TBC1D20: variants seen among roughly 807,000 people sequenced by gnomAD.
TBC1D20 encodes chromosome 20 open reading frame 140.
TBC1D20 carries 12 observed loss-of-function variants against 41.6 expected under a neutral mutation model. The ratio of observed to expected loss-of-function variants is 0.29; its 90% CI spans 0.18 to 0.47. The LOEUF (loss-of-function observed/expected upper bound fraction) is 0.47. Among genes scored for constraint, TBC1D20 ranks in the 20% least tolerant of loss-of-function variants. The pLI, the probability that TBC1D20 is intolerant of heterozygous loss-of-function variation, is 1.00. For missense variants in TBC1D20, 421 were observed against 517.4 expected, an observed-to-expected ratio of 0.81 and a Z score of 1.81; for synonymous variants, 205 against 204.8, an observed-to-expected ratio of 1.00 and a Z score of -0.01.
intron 1 of TBC1D20, among the ~76,000 whole-genome samples, chr20:457,885 G>T (rs1191421815): frequency 6.6e-6 from 1 of 152,152 alleles, no homozygotes; most frequent in East Asian, 1.9e-4. Flanking sequence ...ATATAACATC[G>T]GTGGAGGCAA....
intron 1 of TBC1D20, among the ~76,000 whole-genome samples, chr20:452,832 G>C (rs934590821): frequency 2.6e-5 from 4 of 152,124 alleles, no homozygotes; most frequent in African/African-American, 9.7e-5. Context: ...AAAGGAGGAA[G>C]GTGTCCTGGT....
At chr20:442,669 G>C (rs1335365543) in intron 3 of TBC1D20, among the ~76,000 whole-genome samples, 1 of 152,196 alleles carries the variant, frequency 6.6e-6, no homozygotes, top group African/African-American at 2.4e-5. Flanking sequence ...GATTACATGA[G>C]AGCCTTATAT....
At position 439,354 on chromosome 20, in the gene TBC1D20, C is replaced by G. The variant is rs2017182643; in HGVS notation, c.769-59G>C. ...GCCAGACACACAGGGCCTGGGCCAC[C>G]TGCACTCCATTATCCTTGCAGATGA... is the stretch of plus-strand genomic sequence containing the variant. On this transcript the variant is annotated intron_variant, in intron 6 of 7. Coordinates refer to ENST00000354200, the MANE Select transcript of TBC1D20 (RefSeq NM_144628.4). The surrounding 1 kb of genome is among the most constrained non-coding windows in gnomAD (Gnocchi z 4.6). 3 of 1,314,394 alleles carry G rather than the reference C, an allele frequency of 2.3e-6. No individual in the cohort carries two copies. The highest frequency in any genetic ancestry group is 1.9e-4 in the Middle Eastern group (1 of 5,284). The allele number at this position is 1,314,394 out of a possible 1,614,324, so 81.4% of individuals were successfully genotyped here.
chr20:454,868 G>A (rs563476445), intron 1 of TBC1D20, among the ~76,000 whole-genome samples: 3 of 152,108 alleles, frequency 2.0e-5, no homozygotes, highest in Non-Finnish European at 2.9e-5. Context: ...TAGAGACAGG[G>A]TTTCACCATG....
Position 441,429 on chromosome 20 carries a change from G to C in TBC1D20, c.626+159C>G, listed in dbSNP as rs565693531. The C allele has an allele frequency of 3.7e-5, 24 of 647,474 alleles. No individual in the cohort carries two copies. In the East Asian group the frequency reaches 6.6e-4, roughly 18 times the overall value. The allele number at this position is 647,474 out of a possible 1,614,324, so 40.1% of individuals were successfully genotyped here. ...AGTCCCCAAAAATGCTCCAAGAACT[G>C]AATTACCCAGATTGCTGGTGACTGG... On this transcript the variant is annotated intron_variant, in intron 5 of 7. Transcript: ENST00000354200.
At chr20:440,677 C>T (rs2017211538) in intron 5 of TBC1D20, 3 of 321,998 alleles carry the variant, frequency 9.3e-6, no homozygotes, top group Non-Finnish European at 1.7e-5. Context: ...TTTCAGAGAA[C>T]TACGCCATGA....
rs1231473794 is a variant in TBC1D20, at chr20:437,462, T to G, written c.*1124A>C. ...TACAGGGAAGCTGTCCCAGAAGGAC[T>G]GAGTGATGCCTCTTGTTCCCTAAGG... On this transcript the variant is annotated 3_prime_UTR_variant, in exon 8 of 8. Coordinates refer to ENST00000354200, the MANE Select transcript of TBC1D20 (RefSeq NM_144628.4). The G allele has an allele frequency of 6.6e-6, 1 of 152,620 alleles. No individual in the cohort carries two copies. Among genetic ancestry groups the G allele is most frequent in the Non-Finnish European group, 1.5e-5 (1 of 68,050 alleles). 9.5% of individuals were successfully genotyped at this position (152,620 alleles called of 1,614,324 possible). A position where few individuals can be genotyped will look rare whatever the true frequency, so the allele number is the denominator to read the frequency against.
chr20:441,323 C>A, intron 5 of TBC1D20: 1 of 407,114 alleles, frequency 2.5e-6, no homozygotes, highest in East Asian at 4.0e-5. Flanking sequence ...ACCTCAACAT[C>A]TTACCTTGGC....
chr20:445,031 G>A lies in TBC1D20; in HGVS notation c.337+19C>T. 4 of 1,592,128 alleles carry A rather than the reference G, an allele frequency of 2.5e-6. No homozygotes were observed. The highest frequency in any genetic ancestry group is 3.4e-6 in the Non-Finnish European group (4 of 1,165,904). On this transcript the variant is annotated intron_variant, in intron 3 of 7. Coordinates refer to ENST00000354200, the MANE Select transcript of TBC1D20 (RefSeq NM_144628.4). ...GATACAGTCTTTCCAAATGTGGCAG[G>A]ACCGGGAGAGCTTCTCACCAGGAGG...
chr20:460,011 GTTTTTTCATATA>G (rs1425408418), intron 1 of TBC1D20, among the ~76,000 whole-genome samples: 1 of 152,002 alleles, frequency 6.6e-6, no homozygotes, highest in South Asian at 2.1e-4. Flanking sequence ...TCCTCTAAAA[GTTTTTTCATATA>G]TTTTTTCATA....
intron 1 of TBC1D20, among the ~76,000 whole-genome samples, chr20:457,733 G>T (rs544625678): frequency 6.6e-6 from 1 of 152,180 alleles, no homozygotes; most frequent in Non-Finnish European, 1.5e-5. Context: ...GATTCATCCC[G>T]CAAAGGAGTC....
Position 439,461 on chromosome 20 carries a change from G to A in TBC1D20, c.769-166C>T, listed in dbSNP as rs73074721. Among the ~76,000 whole-genome samples, 31,817 of 152,080 alleles carry A rather than the reference G, an allele frequency of 0.21. 3,959 individuals are homozygous for A. The highest frequency in any genetic ancestry group is 0.28 in the Admixed American group (4,231 of 15,276). On this transcript the variant is annotated intron_variant, in intron 6 of 7. Transcript: ENST00000354200. The surrounding 1 kb of genome is among the most constrained non-coding windows in gnomAD (Gnocchi z 4.6). ...ATCAAGGAAGTAATAACATATATAC[G>A]CTCAGTGCTACTCCTACTCTCTGGC...
At position 439,887 on chromosome 20, in the gene TBC1D20, T is replaced by C. The variant is rs966506564; in HGVS notation, c.768+361A>G. 1.3e-5 allele frequency among the ~76,000 whole-genome samples: 2 copies of C among 152,204 alleles called. No individual in the cohort carries two copies. Among genetic ancestry groups the C allele is most frequent in the African/African-American group, 4.8e-5 (2 of 41,442 alleles). On this transcript the variant is annotated intron_variant, in intron 6 of 7. Coordinates refer to ENST00000354200, the MANE Select transcript of TBC1D20 (RefSeq NM_144628.4). This position sits in a 1 kb window ranked among gnomAD's most constrained non-coding sequence, Gnocchi z 4.6. Reference sequence around the variant, plus strand: ...CATGACACCAGATCTCTTCTTTTCTTAAATCTGGAGTTGACAGCTTACGCT... The same window carrying C: ...CATGACACCAGATCTCTTCTTTTCTCAAATCTGGAGTTGACAGCTTACGCT...
In TBC1D20 at chr20:439,884, T is replaced by C. The variant is rs909900126; in HGVS notation, c.768+364A>G. 6.6e-6 allele frequency among the ~76,000 whole-genome samples: 1 copy of C among 152,208 alleles called. No individual in the cohort carries two copies. The highest frequency in any genetic ancestry group is 1.5e-5 in the Non-Finnish European group (1 of 68,036). ...TGTCATGACACCAGATCTCTTCTTT[T>C]CTTAAATCTGGAGTTGACAGCTTAC... On this transcript the variant is annotated intron_variant, in intron 6 of 7. Transcript: ENST00000354200. This position sits in a 1 kb window ranked among gnomAD's most constrained non-coding sequence, Gnocchi z 4.6.
At chr20:462,256 C>A (rs1186733348) in intron 1 of TBC1D20, 80 bp downstream of exon 1, 9 of 1,050,530 alleles carry the variant, frequency 8.6e-6, no homozygotes, top group South Asian at 4.1e-5. Context: ...CGCGCCCCTC[C>A]GGCGCCGCCT....
At chr20:461,616 C>A (rs1270000701) in intron 1 of TBC1D20, among the ~76,000 whole-genome samples, 46 of 152,222 alleles carry the variant, frequency 3.0e-4, no homozygotes, top group Admixed American at 3.0e-3. Flanking sequence ...CCAACCATGG[C>A]CTCCCAAAGC....
At chr20:458,710 T>C (rs1440159191) in intron 1 of TBC1D20, among the ~76,000 whole-genome samples, 1 of 152,220 alleles carries the variant, frequency 6.6e-6, no homozygotes, top group Non-Finnish European at 1.5e-5. Flanking sequence ...CAGAATATAG[T>C]AAGTGATTTA....
chr20:460,629 T>C (rs899027654), intron 1 of TBC1D20, among the ~76,000 whole-genome samples: 1 of 152,142 alleles, frequency 6.6e-6, no homozygotes, highest in Middle Eastern at 3.4e-3. Flanking sequence ...GTTAACTACC[T>C]GGAAAAAGCA....
chr20:442,537 A>G (rs1437950295), intron 3 of TBC1D20, among the ~76,000 whole-genome samples: 1 of 152,244 alleles, frequency 6.6e-6, no homozygotes, highest in Non-Finnish European at 1.5e-5. Context: ...AAACGCATAA[A>G]TCTATATTTC....
Sources: allele counts gnomAD v4.1 joint callset (sites outside exome capture counted in the v4.1 genomes callset), GRCh38; gene constraint gnomAD v4.1.1; non-coding constraint Gnocchi (gnomAD v3.1); transcripts MANE v1.5; gene names NCBI Gene and HGNC (gene_info 2026-07-23, HGNC 2026-07-21).